LARGE1: variants seen among roughly 807,000 people sequenced by gnomAD.
LARGE1 encodes the protein xylosyl- and glucuronyltransferase LARGE1.
A neutral mutation model predicts 87.6 loss-of-function variants in LARGE1; 43 were observed. That is an observed-to-expected ratio of 0.49 (90% CI 0.38 to 0.63). LARGE1 has a LOEUF of 0.63. LARGE1 is among the 30% of genes least tolerant of loss of function. LARGE1 has a pLI of 0.00. For synonymous variants in LARGE1, 434 were observed against 394.6 expected (o/e 1.10, Z -1.18); for missense variants, 802 against 1,000.2 (o/e 0.80, Z 2.67).
At chr22:33,432,078 T>C (rs2067099456) in intron 7 of LARGE1, 83 bp downstream of exon 7, 7 of 1,156,530 alleles carry the variant, frequency 6.1e-6, no homozygotes, top group South Asian at 1.3e-5. Flanking sequence ...TCCTGAGCTT[T>C]TGCAATCTCC....
intron 2 of LARGE1, among the ~76,000 whole-genome samples, chr22:33,697,775 GAA>G (rs1409058143): frequency 6.6e-6 from 1 of 152,092 alleles, no homozygotes; most frequent in East Asian, 1.9e-4. Context: ...TCTATTTTGA[GAA>G]CACACACTGG....
At chr22:33,792,098 A>G (rs1011956730) in intron 1 of LARGE1, among the ~76,000 whole-genome samples, 1 of 152,192 alleles carries the variant, frequency 6.6e-6, no homozygotes, top group Non-Finnish European at 1.5e-5. Flanking sequence ...AGAGACGTCA[A>G]TTCGGTAAAA....
chr22:33,296,275 T>G (rs1466443267), intron 12 of LARGE1, among the ~76,000 whole-genome samples: 1 of 152,248 alleles, frequency 6.6e-6, no homozygotes, highest in Non-Finnish European at 1.5e-5. Flanking sequence ...CAGCTCATAC[T>G]CTTGAACACG....
chr22:33,920,380 C>T lies in LARGE1; in HGVS notation c.-468G>A, dbSNP rs1047010950. 1 of 151,308 alleles carries T rather than the reference C, an allele frequency of 6.6e-6. No individual in the cohort carries two copies. Among genetic ancestry groups the T allele is most frequent in the Non-Finnish European group, 1.5e-5 (1 of 67,790 alleles). The allele number at this position is 151,308 out of a possible 1,614,324, so 9.4% of individuals were successfully genotyped here. ...TCCAAGCCGATTCGTCCCTTCAGGG[C>T]AGGGCCTGCCCGCGAACAGCCCGGC... On this transcript the variant is annotated 5_prime_UTR_variant, in exon 1 of 15. Transcript: ENST00000397394.
chr22:33,698,599 C>T (rs1467080614), intron 2 of LARGE1, among the ~76,000 whole-genome samples: 3 of 152,176 alleles, frequency 2.0e-5, no homozygotes. Context: ...GCCACTGCGC[C>T]CAGCCAACAA....
chr22:33,772,059 C>T (rs911746172), intron 1 of LARGE1, among the ~76,000 whole-genome samples: 1 of 152,210 alleles, frequency 6.6e-6, no homozygotes, highest in Admixed American at 6.5e-5. Context: ...GTTGGCCAGG[C>T]GCGGCGGCTC....
chr22:33,688,547 C>G (rs973645200), intron 2 of LARGE1, among the ~76,000 whole-genome samples: 2 of 152,118 alleles, frequency 1.3e-5, no homozygotes, highest in Non-Finnish European at 2.9e-5. Flanking sequence ...GATGGGGTTT[C>G]TCCATGTTGT....
At chr22:33,561,710 G>T (rs1385252973) in intron 6 of LARGE1, among the ~76,000 whole-genome samples, 4 of 152,284 alleles carry the variant, frequency 2.6e-5, no homozygotes, top group Admixed American at 2.6e-4. Context: ...GCTAAGAATT[G>T]GTGGTTCTGA....
intron 9 of LARGE1, among the ~76,000 whole-genome samples, chr22:33,339,523 T>C (rs1938910384): frequency 6.6e-6 from 1 of 151,992 alleles, no homozygotes; most frequent in Non-Finnish European, 1.5e-5. Context: ...CTATTCATAA[T>C]GAAGAAGATG....
At chr22:33,628,480 G>T (rs1427244452) in intron 3 of LARGE1, among the ~76,000 whole-genome samples, 1 of 151,826 alleles carries the variant, frequency 6.6e-6, no homozygotes, top group Non-Finnish European at 1.5e-5. Flanking sequence ...CTACGTCCAG[G>T]TAATTTTTGT....
intron 5 of LARGE1, among the ~76,000 whole-genome samples, chr22:33,588,159 T>A (rs184023449): frequency 2.4e-4 from 36 of 152,270 alleles, no homozygotes; most frequent in Non-Finnish European, 4.7e-4. Flanking sequence ...ATGCTAAGAA[T>A]TGGGAAGCAG....
chr22:33,386,540 G>A lies in LARGE1; in HGVS notation c.893-2236C>T, dbSNP rs887955200. Among the ~76,000 whole-genome samples the A allele has an allele frequency of 8.7e-5, 13 of 148,794 alleles. 1 individual carries two copies. The highest frequency in any genetic ancestry group is 2.7e-4 in the African/African-American group (11 of 41,052). On this transcript the variant is annotated intron_variant, in intron 7 of 14. Coordinates refer to ENST00000397394, the MANE Select transcript of LARGE1 (RefSeq NM_133642.5). ...AGCTCTCTGGGGGAAAAAAACGGCC[G>A]GATTTGTAGCATTTGCCAATTGCCA...
At chr22:33,156,461 G>C in the LARGE1 span, among the ~76,000 whole-genome samples, 1 of 152,148 alleles carries the variant, frequency 6.6e-6, no homozygotes, top group African/African-American at 2.4e-5. Context: ...TGAGCTTTAA[G>C]GTTTGACTGC....
intron 5 of LARGE1, among the ~76,000 whole-genome samples, chr22:33,585,452 T>C (rs967994375): frequency 3.3e-5 from 5 of 152,160 alleles, no homozygotes; most frequent in Non-Finnish European, 1.5e-5. Flanking sequence ...CCAATGTACA[T>C]GAAGCAAAGT....
intron 11 of LARGE1, among the ~76,000 whole-genome samples, chr22:33,181,103 A>G (rs977133025): frequency 2.0e-5 from 3 of 152,212 alleles, no homozygotes; most frequent in African/African-American, 7.2e-5. Flanking sequence ...TTAAAGACCC[A>G]TGAGTCTATT....
At chr22:33,068,817 A>C in the LARGE1 span, among the ~76,000 whole-genome samples, 2 of 152,142 alleles carry the variant, frequency 1.3e-5, no homozygotes, top group Admixed American at 1.3e-4. Context: ...CACGTGCCTC[A>C]GGAGGTGAAC....
At chr22:33,199,697 A>G (rs1469876142) in intron 11 of LARGE1, among the ~76,000 whole-genome samples, 1 of 152,060 alleles carries the variant, frequency 6.6e-6, no homozygotes, top group African/African-American at 2.4e-5. Flanking sequence ...TTGGTTCTCT[A>G]TTCTGTTCTG....
chr22:33,303,971 G>A (rs1017169500), intron 12 of LARGE1, among the ~76,000 whole-genome samples: 1 of 152,208 alleles, frequency 6.6e-6, no homozygotes, highest in African/African-American at 2.4e-5. Flanking sequence ...CAATAGACTG[G>A]CAGACAAAAA....
In LARGE1 at chr22:33,178,175, C is replaced by A. The variant is rs564215144; in HGVS notation, c.1731-11343G>T. 2.6e-5 allele frequency among the ~76,000 whole-genome samples: 4 copies of A among 152,280 alleles called. No individual in the cohort carries two copies. The South Asian group carries it at 8.3e-4, about 32-fold the overall frequency. The stretch of plus-strand genomic sequence containing the variant: ...TTTTATGATTTAGGAAGGCCTGCAT[C>A]ACTAGGATCACCAGGGCCAAATGAG... On this transcript the variant is annotated intron_variant, in intron 11 of 11. Coordinates refer to the LARGE1 transcript ENST00000608642.
Sources: gnomAD v4.1 joint callset for allele counts (sites outside exome capture counted in the v4.1 genomes callset) on GRCh38, gnomAD v4.1.1 for gene constraint, MANE v1.5 for transcripts, NCBI Gene and HGNC (gene_info 2026-07-23, HGNC 2026-07-21) for gene names.